OPCML: variants seen among roughly 807,000 people sequenced by gnomAD.
OPCML encodes the protein opioid-binding protein/cell adhesion molecule.
In OPCML, 13 loss-of-function variants were observed where a neutral mutation model predicts 37.8. The observed-to-expected ratio is 0.34, with a 90% CI of 0.22 to 0.55. The LOEUF (loss-of-function observed/expected upper bound fraction) is 0.55. Among genes scored for constraint, OPCML ranks in the 20% least tolerant of loss-of-function variants. The probability of loss-of-function intolerance (pLI) is 0.91; values close to 1 mark genes in which losing one functional copy is unlikely to be tolerated. For missense variants in OPCML, 341 were observed against 435.6 expected (o/e 0.78, Z 1.93); for synonymous variants, 176 against 168.8 (o/e 1.04, Z -0.33).
chr11:132,730,715 G>T (rs1945047814), intron 2 of OPCML, among the ~76,000 whole-genome samples: 1 of 152,060 alleles, frequency 6.6e-6, no homozygotes, highest in Non-Finnish European at 1.5e-5. Context: ...GTGTCCTTCA[G>T]CCCAAACTAA....
chr11:133,181,314 A>G (rs1336190805), intron 1 of OPCML, among the ~76,000 whole-genome samples: 5 of 135,276 alleles, frequency 3.7e-5, no homozygotes, highest in Admixed American at 2.5e-4. Flanking sequence ...ATGCATGTCA[A>G]TATTCCGGTT....
At chr11:133,149,528 T>C (rs986872609) in intron 1 of OPCML, among the ~76,000 whole-genome samples, 6 of 152,226 alleles carry the variant, frequency 3.9e-5, no homozygotes, top group Non-Finnish European at 8.8e-5. Flanking sequence ...CCTTCTACCA[T>C]TTAGTGTGTC....
At chr11:132,602,238 G>A (rs1937969559) in intron 3 of OPCML, among the ~76,000 whole-genome samples, 1 of 152,050 alleles carries the variant, frequency 6.6e-6, no homozygotes, top group Non-Finnish European at 1.5e-5. Flanking sequence ...GAGGAGAAAG[G>A]GAGGAGAATG....
At chr11:132,543,739 C>G (rs1171086045) in intron 3 of OPCML, among the ~76,000 whole-genome samples, 1 of 151,932 alleles carries the variant, frequency 6.6e-6, no homozygotes, top group Non-Finnish European at 1.5e-5. Flanking sequence ...ACACATAAGC[C>G]AAGTTTAGCC....
At chr11:133,368,054 G>C (rs1171131525) in intron 1 of OPCML, among the ~76,000 whole-genome samples, 1 of 152,238 alleles carries the variant, frequency 6.6e-6, no homozygotes, top group Non-Finnish European at 1.5e-5. Context: ...GCAGTCCTTG[G>C]AGGAATATGC....
chr11:133,467,944 TCTC>T (rs954220634), intron 1 of OPCML, among the ~76,000 whole-genome samples: 1 of 152,178 alleles, frequency 6.6e-6, no homozygotes, highest in Non-Finnish European at 1.5e-5. Context: ...ATCTGAGTCT[TCTC>T]CTCCTTGGCC....
chr11:132,725,517 T>C (rs1944846610), intron 2 of OPCML, among the ~76,000 whole-genome samples: 1 of 152,148 alleles, frequency 6.6e-6, no homozygotes. Context: ...GTCTTGGGGA[T>C]TAATATTCGA....
intron 1 of OPCML, among the ~76,000 whole-genome samples, chr11:133,339,364 AG>A (rs1451123384): frequency 6.6e-6 from 1 of 152,160 alleles, no homozygotes; most frequent in Non-Finnish European, 1.5e-5. Flanking sequence ...ACAGCTAGTG[AG>A]TGTGGGAGCC....
At chr11:132,764,421 C>T (rs938944589) in intron 2 of OPCML, among the ~76,000 whole-genome samples, 4 of 152,330 alleles carry the variant, frequency 2.6e-5, no homozygotes, top group Non-Finnish European at 5.9e-5. Context: ...TTCCCTGAAA[C>T]TGGTGACTAA....
chr11:133,035,468 A>C (rs2136933283), intron 1 of OPCML, among the ~76,000 whole-genome samples: 1 of 152,308 alleles, frequency 6.6e-6, no homozygotes, highest in East Asian at 1.9e-4. Flanking sequence ...AAAAAAGGCT[A>C]GTGGTAAGGA....
chr11:132,675,932 A>G (rs1019149030), intron 2 of OPCML, among the ~76,000 whole-genome samples: 5 of 152,160 alleles, frequency 3.3e-5, no homozygotes, highest in Admixed American at 3.3e-4. Context: ...GCAGGAATTG[A>G]CCAGCTGATT....
chr11:132,669,407 AAAGGG>A (rs1200943055), intron 2 of OPCML, among the ~76,000 whole-genome samples: 2 of 34,814 alleles, frequency 5.7e-5, no homozygotes, highest in East Asian at 6.3e-4. Flanking sequence ...GCACCATGGA[AAAGGG>A]AAAAGGGAAA....
intron 2 of OPCML, among the ~76,000 whole-genome samples, chr11:132,882,778 T>C (rs1321592350): frequency 6.6e-6 from 1 of 152,122 alleles, no homozygotes; most frequent in Non-Finnish European, 1.5e-5. Context: ...TTACATCTGC[T>C]TGAGAAGCAG....
In OPCML at chr11:132,811,463, A is replaced by G. The variant is rs184709600; in HGVS notation, c.146+131463T>C. Among the ~76,000 whole-genome samples the G allele has an allele frequency of 6.4e-3, 974 of 152,290 alleles. 5 individuals carry two copies. The highest frequency in any genetic ancestry group is 0.01 in the Non-Finnish European group (686 of 68,030). ...TCTCCCATACTGTGCCATCCCATCC[A>G]GATGCAGTTTTCTAGAAGAGCCTGA... On this transcript the variant is annotated intron_variant, in intron 2 of 7. Coordinates refer to ENST00000524381, the MANE Select transcript of OPCML (RefSeq NM_001012393.5).
intron 3 of OPCML, among the ~76,000 whole-genome samples, chr11:132,620,942 G>A (rs1939364360): frequency 6.6e-6 from 1 of 152,212 alleles, no homozygotes; most frequent in African/African-American, 2.4e-5. Flanking sequence ...GCTTCAAAAG[G>A]TGGAACTGCA....
chr11:133,369,289 T>C (rs529720791), intron 1 of OPCML, among the ~76,000 whole-genome samples: 1 of 152,314 alleles, frequency 6.6e-6, no homozygotes, highest in Non-Finnish European at 1.5e-5. Context: ...TAAATACAAA[T>C]GAGAAAAGTA....
At chr11:132,855,335 C>A (rs1479352198) in intron 2 of OPCML, among the ~76,000 whole-genome samples, 2 of 152,172 alleles carry the variant, frequency 1.3e-5, no homozygotes, top group Non-Finnish European at 2.9e-5. Flanking sequence ...ATTCCCTAGC[C>A]CCCTGCTCAC....
At chr11:133,494,095 T>C (rs1947726659) in intron 1 of OPCML, among the ~76,000 whole-genome samples, 1 of 151,532 alleles carries the variant, frequency 6.6e-6, no homozygotes, top group Admixed American at 6.6e-5. Context: ...AAGACATTTA[T>C]GCAGCCAAAA....
chr11:132,964,256 T>A lies in OPCML; in HGVS notation c.62-21246A>T, dbSNP rs146499173. Among the ~76,000 whole-genome samples the A allele has an allele frequency of 4.6e-3, 701 of 152,324 alleles. 3 individuals are homozygous for A. The highest frequency in any genetic ancestry group is 0.016 in the African/African-American group (674 of 41,568). On this transcript the variant is annotated intron_variant, in intron 1 of 7. Coordinates refer to ENST00000524381, the MANE Select transcript of OPCML (RefSeq NM_001012393.5). ...CTACAAAAACACATGGGAATATTAT[T>A]TGAAGCAGAAGAGAGAATCTCCAGT...
Sources: allele counts gnomAD v4.1 joint callset (sites outside exome capture counted in the v4.1 genomes callset), GRCh38; gene constraint gnomAD v4.1.1; transcripts MANE v1.5; gene names NCBI Gene and HGNC (gene_info 2026-07-23, HGNC 2026-07-21).